Variants in ADAM23 observed in about 807,000 individuals in gnomAD.
The protein encoded by ADAM23 is disintegrin and metalloproteinase domain-containing protein 23.
In ADAM23, 33 loss-of-function variants were observed where a neutral mutation model predicts 120.1. The ratio of observed to expected loss-of-function variants is 0.27; its 90% CI spans 0.21 to 0.37. The LOEUF is 0.37. Among genes scored for constraint, ADAM23 ranks in the 10% least tolerant of loss-of-function variants. ADAM23 has a pLI of 1.00. For synonymous variants in ADAM23, 367 were observed against 375.2 expected, an observed-to-expected ratio of 0.98 and a Z score of 0.25; for missense variants, 862 against 1,058.2, an observed-to-expected ratio of 0.81 and a Z score of 2.57.
chr2:206,575,895 A>G (rs1199945381), intron 18 of ADAM23, among the ~76,000 whole-genome samples: 1 of 152,156 alleles, frequency 6.6e-6, no homozygotes, highest in Non-Finnish European at 1.5e-5. Flanking sequence ...GTGAGTAAGG[A>G]GTAGGGGAGC....
intron 18 of ADAM23, among the ~76,000 whole-genome samples, chr2:206,580,393 G>A (rs1426663017): frequency 6.6e-6 from 1 of 152,102 alleles, no homozygotes; most frequent in Non-Finnish European, 1.5e-5. Context: ...TATGTCCCTT[G>A]TATGCCGATT....
rs528959150 is a variant in ADAM23 at position 206,530,436 on chromosome 2, T to C, written c.510-449T>C. 6.6e-5 allele frequency among the ~76,000 whole-genome samples: 10 copies of C among 152,296 alleles called. 1 individual carries two copies. The South Asian group carries it at 2.1e-3, about 32-fold the overall frequency. On this transcript the variant is annotated intron_variant, in intron 3 of 25. Transcript: ENST00000264377. ...CTGTTTAGGGCATAATTGTGGAATT[T>C]TTATAGGATCTGTCTCCTCAAGTTA...
intron 13 of ADAM23, among the ~76,000 whole-genome samples, chr2:206,562,767 G>A (rs1292394116): frequency 1.3e-5 from 2 of 152,234 alleles, no homozygotes; most frequent in African/African-American, 2.4e-5. Flanking sequence ...GGCTTTGCAA[G>A]GGAAGACCCT....
At position 206,494,087 on chromosome 2, in the gene ADAM23, ATCACC is replaced by A. The variant is rs561607461; in HGVS notation, c.509+12783_509+12787del. Among the ~76,000 whole-genome samples, 1,366 of 152,328 alleles carry A rather than the reference ATCACC, an allele frequency of 9.0e-3. 17 individuals carry two copies. Among genetic ancestry groups the A allele is most frequent in the African/African-American group, 0.031 (1,283 of 41,580 alleles). The stretch of plus-strand genomic sequence containing the variant: ...CACGCTCAAGCTAATTAACATATCC[ATCACC>A]TCAGATGGTTATCTTTTTTCTGTTT... On this transcript the variant is annotated intron_variant, in intron 3 of 25. Transcript: ENST00000264377.
intron 25 of ADAM23, 123 bp from the exon 26 acceptor site, chr2:206,617,456 G>C: frequency 9.1e-7 from 1 of 1,095,766 alleles, no homozygotes; most frequent in Non-Finnish European, 1.2e-6. Context: ...CTCCATGTGA[G>C]TTAATTACTT....
At chr2:206,521,378 C>T (rs1207195768) in intron 3 of ADAM23, among the ~76,000 whole-genome samples, 1 of 152,008 alleles carries the variant, frequency 6.6e-6, no homozygotes, top group Non-Finnish European at 1.5e-5. Context: ...CCTGGTGTTT[C>T]CTGGACTCGA....
At chr2:206,584,529 G>C (rs1427886232) in intron 18 of ADAM23, among the ~76,000 whole-genome samples, 1 of 152,108 alleles carries the variant, frequency 6.6e-6, no homozygotes, top group Non-Finnish European at 1.5e-5. Context: ...CAACCTGCAT[G>C]ACTCAGCAGA....
intron 3 of ADAM23, 101 bp downstream of exon 3, chr2:206,481,409 T>C: frequency 1.2e-6 from 1 of 806,706 alleles, no homozygotes; most frequent in Non-Finnish European, 1.9e-6. Flanking sequence ...TAACAACTAT[T>C]TTCTAGCAGA....
At position 206,543,728 on chromosome 2, in the gene ADAM23, C is replaced by T. The variant is rs1697339729; in HGVS notation, c.720+412C>T. 2.0e-5 allele frequency among the ~76,000 whole-genome samples: 3 copies of T among 151,628 alleles called. No individual in the cohort carries two copies. In the South Asian group the frequency reaches 6.2e-4, roughly 31 times the overall value. On this transcript the variant is annotated intron_variant, in intron 6 of 25. Transcript: ENST00000264377. Reference sequence around the variant, plus strand: ...ACCAGCCTAAATGTCCATCAATCAGCAAGTAGATAAGTAAAATGTGATACA... The same window carrying T: ...ACCAGCCTAAATGTCCATCAATCAGTAAGTAGATAAGTAAAATGTGATACA...
At chr2:206,447,655 C>T (rs1275173047) in intron 2 of ADAM23, among the ~76,000 whole-genome samples, 1 of 152,214 alleles carries the variant, frequency 6.6e-6, no homozygotes, top group Non-Finnish European at 1.5e-5. Context: ...TGATGAGAGA[C>T]ACTTGCCAGT....
chr2:206,610,269 T>C (rs1288020319), intron 25 of ADAM23, among the ~76,000 whole-genome samples: 1 of 152,168 alleles, frequency 6.6e-6, no homozygotes, highest in Non-Finnish European at 1.5e-5. Flanking sequence ...GTCCAGCTTG[T>C]AAGAGCAGGC....
intron 2 of ADAM23, among the ~76,000 whole-genome samples, chr2:206,457,400 TC>T: frequency 6.6e-6 from 1 of 152,274 alleles, no homozygotes; most frequent in Non-Finnish European, 1.5e-5. Flanking sequence ...TTTATAGACT[TC>T]CAGTCTCTTG....
chr2:206,587,642 C>G (rs1698349669), intron 19 of ADAM23, among the ~76,000 whole-genome samples: 1 of 151,552 alleles, frequency 6.6e-6, no homozygotes, highest in Admixed American at 6.6e-5. Context: ...TTGTGACCAT[C>G]TTTCAGTAAT....
chr2:206,451,633 T>G lies in ADAM23; in HGVS notation c.432+6109T>G, dbSNP rs538055597. Among the ~76,000 whole-genome samples, 4 of 152,296 alleles carry G rather than the reference T, an allele frequency of 2.6e-5. No homozygotes were observed. The East Asian group carries it at 7.7e-4, about 29-fold the overall frequency. ...ATTTATAGACATAGCAGTTGAGATT[T>G]ATAGTTAGTATCTTCAGTAAGGACA... On this transcript the variant is annotated intron_variant, in intron 2 of 25. Transcript: ENST00000264377.
chr2:206,508,244 T>A (rs754109804), intron 3 of ADAM23, among the ~76,000 whole-genome samples: 11 of 152,176 alleles, frequency 7.2e-5, no homozygotes, highest in East Asian at 1.9e-4. Context: ...TTAGCCAGGA[T>A]GGTCTTGATC....
At chr2:206,555,925 T>G (rs894700482) in intron 9 of ADAM23, among the ~76,000 whole-genome samples, 5 of 152,186 alleles carry the variant, frequency 3.3e-5, no homozygotes, top group African/African-American at 1.2e-4. Context: ...AGTTTTCAGC[T>G]TGTGGAATTT....
chr2:206,477,921 T>TATATATATATATATATATATAA (rs1695816932), intron 2 of ADAM23, among the ~76,000 whole-genome samples: 1 of 136,566 alleles, frequency 7.3e-6, no homozygotes, highest in African/African-American at 2.7e-5. Context: ...TATATATATA[T>TATATATATATATATATATATAA]AAAACAACAA....
chr2:206,455,092 G>T (rs1165412541), intron 2 of ADAM23, among the ~76,000 whole-genome samples: 2 of 152,244 alleles, frequency 1.3e-5, no homozygotes, highest in African/African-American at 4.8e-5. Flanking sequence ...CCTCATAGAG[G>T]TTCTCCATGG....
intron 3 of ADAM23, among the ~76,000 whole-genome samples, chr2:206,514,951 A>G (rs555774928): frequency 5.1e-4 from 77 of 152,330 alleles, no homozygotes; most frequent in Non-Finnish European, 8.5e-4. Flanking sequence ...AGTATAGTGT[A>G]AACCTACCTT....
Sources: gnomAD v4.1 joint callset for allele counts (sites outside exome capture counted in the v4.1 genomes callset) on GRCh38, gnomAD v4.1.1 for gene constraint, MANE v1.5 for transcripts, NCBI Gene and HGNC (gene_info 2026-07-23, HGNC 2026-07-21) for gene names.